The following MALRD1 variants were observed in gnomAD, a reference collection of about 807,000 sequenced individuals.
MALRD1 encodes MAM and LDL-receptor class A domain-containing protein 1.
MALRD1 carries 247 observed loss-of-function variants against 242.1 expected under a neutral mutation model. That is an observed-to-expected ratio of 1.02 (90% CI 0.92 to 1.13). MALRD1 has a LOEUF of 1.13. Among genes scored for constraint, MALRD1 ranks in the 50% most tolerant of loss-of-function variants. MALRD1 has a pLI of 0.00. For synonymous variants in MALRD1, 995 were observed against 866.6 expected, an observed-to-expected ratio of 1.15 and a Z score of -2.60; for missense variants, 2,989 against 2,533.1, an observed-to-expected ratio of 1.18 and a Z score of -3.86.
chr10:19,231,248 G>T (rs956263922), intron 18 of MALRD1, among the ~76,000 whole-genome samples: 2 of 152,116 alleles, frequency 1.3e-5, no homozygotes, highest in African/African-American at 4.8e-5. Flanking sequence ...GATTAGCTGA[G>T]GTATTTGTTG....
chr10:19,544,195 G>GT (rs1307046606), intron 32 of MALRD1, among the ~76,000 whole-genome samples: 15 of 149,342 alleles, frequency 1.0e-4, no homozygotes, highest in East Asian at 3.9e-4. Context: ...GGGTGTTTTT[G>GT]GTTTTTTTTT....
At chr10:19,558,557 A>G (rs1185750030) in intron 32 of MALRD1, among the ~76,000 whole-genome samples, 1 of 152,196 alleles carries the variant, frequency 6.6e-6, no homozygotes, top group Admixed American at 6.5e-5. Context: ...TCCAATGTTT[A>G]CTGGCCTAGC....
chr10:19,728,751 G>C (rs1420959262), intron 38 of MALRD1, among the ~76,000 whole-genome samples: 1 of 151,772 alleles, frequency 6.6e-6, no homozygotes, highest in South Asian at 2.1e-4. Flanking sequence ...TTCCTGCTTT[G>C]GTATTTTGAT....
chr10:19,518,296 A>G (rs1833727167), intron 31 of MALRD1, among the ~76,000 whole-genome samples: 1 of 152,196 alleles, frequency 6.6e-6, no homozygotes, highest in South Asian at 2.1e-4. Context: ...AACAACATTA[A>G]CATGGCAATC....
intron 31 of MALRD1, among the ~76,000 whole-genome samples, chr10:19,513,357 C>T (rs1295348595): frequency 6.6e-6 from 1 of 152,014 alleles, no homozygotes; most frequent in Non-Finnish European, 1.5e-5. Flanking sequence ...CCTGAGGCCT[C>T]ACCAGAAGCC....
chr10:19,527,563 C>G (rs1227290391), intron 31 of MALRD1, among the ~76,000 whole-genome samples: 1 of 152,070 alleles, frequency 6.6e-6, no homozygotes, highest in Non-Finnish European at 1.5e-5. Context: ...TATTTAAAGT[C>G]TGAATTAAAT....
At chr10:19,217,907 TAC>T (rs2131654397) in intron 18 of MALRD1, among the ~76,000 whole-genome samples, 1 of 152,288 alleles carries the variant, frequency 6.6e-6, no homozygotes, top group African/African-American at 2.4e-5. Flanking sequence ...CTCTAGCACC[TAC>T]ACCAGTACCT....
intron 18 of MALRD1, among the ~76,000 whole-genome samples, chr10:19,256,558 G>A (rs1006095693): frequency 2.6e-5 from 4 of 152,064 alleles, no homozygotes; most frequent in Admixed American, 6.6e-5. Flanking sequence ...TTCAAACAAT[G>A]TCAGGGGGAC....
chr10:19,371,685 C>A (rs1324762399), intron 26 of MALRD1, among the ~76,000 whole-genome samples: 1 of 152,118 alleles, frequency 6.6e-6, no homozygotes, highest in Admixed American at 6.6e-5. Context: ...TTCTGAAAGG[C>A]ATTGTTCTAT....
intron 33 of MALRD1, among the ~76,000 whole-genome samples, chr10:19,585,525 CT>C (rs1837346169): frequency 6.6e-6 from 1 of 151,950 alleles, no homozygotes. Flanking sequence ...GTTGAAAATT[CT>C]TTTCTTTAAG....
intron 26 of MALRD1, among the ~76,000 whole-genome samples, chr10:19,384,122 G>T (rs947184239): frequency 6.6e-6 from 1 of 150,950 alleles, no homozygotes; most frequent in East Asian, 1.9e-4. Flanking sequence ...GATGATTCGT[G>T]ATGTTGAGCA....
At chr10:19,287,831 A>G (rs772910416) in intron 21 of MALRD1, among the ~76,000 whole-genome samples, 13 of 152,162 alleles carry the variant, frequency 8.5e-5, no homozygotes, top group Non-Finnish European at 1.5e-4. Flanking sequence ...GTATAGTTAT[A>G]TAGTTGTTCA....
intron 5 of MALRD1, 102 bp downstream of exon 5, chr10:19,104,177 G>A (rs1271418710): frequency 9.9e-6 from 6 of 608,716 alleles, no homozygotes; most frequent in African/African-American, 3.8e-5. Flanking sequence ...TTTGTCTGAT[G>A]TTTTCATGTG....
At chr10:19,602,988 T>A (rs1035091299) in intron 34 of MALRD1, among the ~76,000 whole-genome samples, 1 of 152,228 alleles carries the variant, frequency 6.6e-6, no homozygotes. Context: ...GCTGCATAAA[T>A]GCCTTCTTTT....
At chr10:19,223,384 T>G (rs868406410) in intron 18 of MALRD1, among the ~76,000 whole-genome samples, 1 of 151,784 alleles carries the variant, frequency 6.6e-6, no homozygotes, top group Non-Finnish European at 1.5e-5. Flanking sequence ...TTTTGAAAAC[T>G]AGTTCCTTGG....
chr10:19,369,381 G>T (rs182474554), intron 26 of MALRD1, among the ~76,000 whole-genome samples: 85 of 110,462 alleles, frequency 7.7e-4, no homozygotes, highest in African/African-American at 2.8e-3. Context: ...ACAACATATT[G>T]AAATATATTT....
At chr10:19,397,614 T>C (rs1030615521) in intron 28 of MALRD1, among the ~76,000 whole-genome samples, 18 of 152,262 alleles carry the variant, frequency 1.2e-4, no homozygotes, top group African/African-American at 3.4e-4. Flanking sequence ...GTGGATTTGG[T>C]AGATTATACG....
intron 31 of MALRD1, among the ~76,000 whole-genome samples, chr10:19,518,121 T>A (rs1422918693): frequency 6.6e-6 from 1 of 152,206 alleles, no homozygotes; most frequent in East Asian, 1.9e-4. Flanking sequence ...GTTGCCTGCC[T>A]GTGACTGGCT....
At chr10:19,300,576 T>G (rs2131954689) in intron 21 of MALRD1, among the ~76,000 whole-genome samples, 1 of 152,008 alleles carries the variant, frequency 6.6e-6, no homozygotes, top group South Asian at 2.1e-4. Flanking sequence ...CCACCTGATC[T>G]TTGACAAAAT....
Sources: gnomAD v4.1 joint callset for allele counts (sites outside exome capture counted in the v4.1 genomes callset) on GRCh38, gnomAD v4.1.1 for gene constraint, MANE v1.5 for transcripts, NCBI Gene and HGNC (gene_info 2026-07-23, HGNC 2026-07-21) for gene names.